Variants in PZP observed in about 807,000 individuals in gnomAD.
The protein encoded by PZP is PZP alpha-2-macroglobulin like.
A neutral mutation model predicts 179.8 loss-of-function variants in PZP; 150 were observed. The observed-to-expected ratio is 0.83, with a 90% CI of 0.73 to 0.96. The LOEUF is 0.96. Among genes scored for constraint, PZP ranks in the 40% least tolerant of loss-of-function variants. The probability of loss-of-function intolerance (pLI) is 0.00; values close to 1 mark genes in which losing one functional copy is unlikely to be tolerated. For missense variants in PZP, 1,689 were observed against 1,764.0 expected (o/e 0.96, Z 0.76); for synonymous variants, 624 against 652.3 (o/e 0.96, Z 0.66).
At chr12:9,159,787 C>T in intron 25 of PZP, 151 bp downstream of exon 25, 1 of 693,288 alleles carries the variant, frequency 1.4e-6, no homozygotes, top group Admixed American at 3.0e-5. Flanking sequence ...ACTTATCAGC[C>T]TTCATAGCTA....
chr12:9,168,283 G>A (rs887951772), intron 17 of PZP, among the ~76,000 whole-genome samples: 3 of 152,140 alleles, frequency 2.0e-5, no homozygotes, highest in African/African-American at 7.2e-5. Flanking sequence ...ATAAATATTT[G>A]TGAGCAGATG....
rs148359775 is a variant in PZP at position 9,171,774 on chromosome 12, G to C, written c.1840-2183C>G. 1.3e-3 allele frequency among the ~76,000 whole-genome samples: 197 copies of C among 152,136 alleles called. 1 individual carries two copies. The highest frequency in any genetic ancestry group is 4.6e-3 in the African/African-American group (192 of 41,502). ...AAGATTATCTATCTGAAATAAGACAGGCAGACTAGAATAGAGAAGAAAGAA... is the reference window on the plus strand; with the variant it reads ...AAGATTATCTATCTGAAATAAGACACGCAGACTAGAATAGAGAAGAAAGAA... On this transcript the variant is annotated intron_variant, in intron 15 of 35. Coordinates refer to ENST00000261336, the MANE Select transcript of PZP (RefSeq NM_002864.3).
In PZP at chr12:9,194,560, A is replaced by G. The variant is rs751032488; in HGVS notation, c.1093-322T>C. Among the ~76,000 whole-genome samples the G allele has an allele frequency of 3.3e-3, 483 of 145,498 alleles. 1 individual carries two copies. The highest frequency in any genetic ancestry group is 0.011 in the Middle Eastern group (3 of 278). ...GCTCACTGCAAGCTCTGCCTCCTGG[A>G]CTCACGCCATTCTCCTGCCTCAGCC... On this transcript the variant is annotated intron_variant, in intron 10 of 35. Coordinates refer to ENST00000261336, the MANE Select transcript of PZP (RefSeq NM_002864.3).
chr12:9,161,708 T>C (rs1483667121), intron 22 of PZP, among the ~76,000 whole-genome samples: 1 of 152,234 alleles, frequency 6.6e-6, no homozygotes, highest in African/African-American at 2.4e-5. Context: ...AAATTAGTCC[T>C]TCTCAAATGA....
At chr12:9,197,254 G>A (rs1943832083) in intron 7 of PZP, 131 bp from the exon 8 acceptor site, 1 of 598,010 alleles carries the variant, frequency 1.7e-6, no homozygotes, top group African/African-American at 2.0e-5. Flanking sequence ...CAAGTAGAAA[G>A]CTGTCTGGAA....
chr12:9,153,283 C>T lies in PZP; in HGVS notation c.3835G>A (p.Glu1279Lys), dbSNP rs754648741. Residue 1279 changes from glutamate (E) to lysine (K), a missense_variant, in exon 30 of 36, where the codon GAG (glutamate) becomes AAG (lysine). Transcript: ENST00000261336. ...TGAACGGTGACCTGTGCAGTTTTCTCAGTTCTGGTGAAAGTGGCTGCTCCA... is the reference window on the plus strand; with the variant it reads ...TGAACGGTGACCTGTGCAGTTTTCTTAGTTCTGGTGAAAGTGGCTGCTCCA... ...RYGAATFTRT[E>K]KTAQVTVQDS... The T allele has an allele frequency of 6.2e-7, 1 of 1,614,144 alleles. No individual in the cohort carries two copies. Among genetic ancestry groups the T allele is most frequent in the South Asian group, 1.1e-5 (1 of 91,080 alleles).
At chr12:9,143,196 G>C in the PZP span, among the ~76,000 whole-genome samples, 1 of 152,230 alleles carries the variant, frequency 6.6e-6, no homozygotes, top group Non-Finnish European at 1.5e-5. Flanking sequence ...GATAATGAGA[G>C]GGATTTTCAG....
Position 9,163,677 on chromosome 12 carries a change from C to T in PZP, c.2727G>A (p.Leu909=). 1 of 1,613,594 alleles carries T rather than the reference C, an allele frequency of 6.2e-7. No homozygotes were observed. Among genetic ancestry groups the T allele is most frequent in the Non-Finnish European group, 8.5e-7 (1 of 1,179,724 alleles). ...CCCAAAAATATGTTACCTCCACCAA[C>T]AGGGTTTTGATGACTGTGTCTTTTC... ...IKRKDTVIKT[L]LVEAEGIEQE... The change falls in exon 21 of 36, where the codon CTG becomes CTA. Residue 909 remains leucine (L), a synonymous_variant. Coordinates refer to ENST00000261336, the MANE Select transcript of PZP (RefSeq NM_002864.3).
chr12:9,177,745 T>C (rs1205643087), intron 15 of PZP, among the ~76,000 whole-genome samples: 1 of 152,222 alleles, frequency 6.6e-6, no homozygotes, highest in Non-Finnish European at 1.5e-5. Context: ...GTTATGTTCA[T>C]AGTTTCTTCT....
rs770194036 is a variant in PZP at position 9,164,195 on chromosome 12, G to A, written c.2552C>T (p.Ser851Phe). The A allele has an allele frequency of 6.2e-7, 1 of 1,610,220 alleles. No homozygotes were observed. The highest frequency in any genetic ancestry group is 1.7e-5 in the Admixed American group (1 of 60,010). ...LASQNTKGEE[S>F]YCICGNERQT... ...TCTCTCATTTCCACAGATACAATAG[G>A]ATTCTTCTCCCTTTGTATTTTGGGA... Residue 851 changes from serine (S) to phenylalanine (F), a missense_variant, in exon 20 of 36, where the codon TCC becomes TTC. By Grantham distance (155) the Ser-to-Phe change is radical. Around this residue, in one of 3 missense-constraint regions of PZP, gnomAD observed 746 missense variants for 749.2 expected, o/e 1.00. Coordinates refer to ENST00000261336, the MANE Select transcript of PZP (RefSeq NM_002864.3).
chr12:9,180,123 CTTATTTAT>C (rs773265890), intron 15 of PZP, among the ~76,000 whole-genome samples: 1 of 152,004 alleles, frequency 6.6e-6, no homozygotes, highest in African/African-American at 2.4e-5. Flanking sequence ...TCAATAGAGG[CTTATTTAT>C]TTATTTATTT....
intron 17 of PZP, chr12:9,167,403 C>T (rs1380434814): frequency 6.6e-6 from 1 of 152,174 alleles, no homozygotes; most frequent in Non-Finnish European, 1.5e-5. Flanking sequence ...ACCCAAGACC[C>T]TGGTGGCATG....
chr12:9,192,771 T>G (rs765244457), intron 11 of PZP, 32 bp from the exon 12 acceptor site: 1 of 1,456,548 alleles, frequency 6.9e-7, no homozygotes, highest in Non-Finnish European at 9.6e-7. Flanking sequence ...GAAAGAATAC[T>G]GTCTTGAAAT....
At chr12:9,196,537 T>C (rs1307497904) in intron 9 of PZP, 34 bp downstream of exon 9, 1 of 1,573,528 alleles carries the variant, frequency 6.4e-7, no homozygotes, top group Admixed American at 1.7e-5. Flanking sequence ...AGTAAACTAT[T>C]GTTTTATTTC....
At chr12:9,145,491 A>G (rs1368848238), downstream of PZP, among the ~76,000 whole-genome samples, 1 of 152,126 alleles carries the variant, frequency 6.6e-6, no homozygotes, top group African/African-American at 2.4e-5. Context: ...GTGAAAATTG[A>G]TATCTATTTT....
chr12:9,169,313 C>G, intron 16 of PZP, 117 bp downstream of exon 16: 1 of 1,042,688 alleles, frequency 9.6e-7, no homozygotes, highest in Non-Finnish European at 1.3e-6. Context: ...TCATTTTTGT[C>G]TGCTGAAAAA....
At chr12:9,201,210 T>TA (rs774132125) in intron 5 of PZP, 117 bp downstream of exon 5, 7 of 1,322,500 alleles carry the variant, frequency 5.3e-6, no homozygotes, top group Non-Finnish European at 7.4e-6. Context: ...CAACTGGGAG[T>TA]AGGAGGAATT....
At chr12:9,138,236 T>G in the PZP span, among the ~76,000 whole-genome samples, 3 of 152,018 alleles carry the variant, frequency 2.0e-5, no homozygotes, top group Admixed American at 6.5e-5. Flanking sequence ...GAATGTTGAA[T>G]TTTGTCAAAT....
In PZP at chr12:9,151,646, C is replaced by G; in HGVS notation, c.4239G>C (p.Arg1413=). 2 of 1,613,882 alleles carry G rather than the reference C, an allele frequency of 1.2e-6. No individual in the cohort carries two copies. Among genetic ancestry groups the G allele is most frequent in the Non-Finnish European group, 1.7e-6 (2 of 1,179,886 alleles). ...GGACATGGTTGTTGCTCACTTCTGTCCGGCTCACAGAGCTAGATCTTTCAA... is the reference window on the plus strand; with the variant it reads ...GGACATGGTTGTTGCTCACTTCTGTGCGGCTCACAGAGCTAGATCTTTCAA... ...KMLERSSSVS[R]TEVSNNHVLI... The change falls in exon 33 of 36, where the codon CGG becomes CGC. Residue 1413 remains arginine (R), a synonymous_variant. Transcript: ENST00000261336.
Sources: allele counts gnomAD v4.1 joint callset (sites outside exome capture counted in the v4.1 genomes callset), GRCh38; gene constraint gnomAD v4.1.1; regional missense constraint gnomAD v4.1.1; transcripts MANE v1.5; gene names NCBI Gene and HGNC (gene_info 2026-07-23, HGNC 2026-07-21).